The following LATS2 variants were observed in gnomAD, a reference collection of about 807,000 sequenced individuals.
The protein encoded by LATS2 is serine/threonine-protein kinase LATS2.
Under a neutral mutation model 76.0 loss-of-function variants are expected in LATS2, and 24 were observed. The observed-to-expected ratio is 0.32, with a 90% confidence interval of 0.23 to 0.44. The LOEUF (loss-of-function observed/expected upper bound fraction) is 0.44, where lower values mean the gene tolerates loss of function less well. LATS2 is among the 20% of genes least tolerant of loss of function. The pLI is 1.00. For synonymous variants in LATS2, 692 were observed against 635.4 expected (o/e 1.09, Z -1.34); for missense variants, 1,286 against 1,481.2 (o/e 0.87, Z 2.16).
intron 2 of LATS2, among the ~76,000 whole-genome samples, chr13:21,028,758 C>T (rs1400080257): frequency 4.6e-5 from 7 of 152,090 alleles, no homozygotes; most frequent in South Asian, 4.1e-4. Context: ...TTAGTAGAGA[C>T]GGGATTTCAC....
intron 2 of LATS2, among the ~76,000 whole-genome samples, chr13:20,993,186 C>A (rs1162025070): frequency 2.0e-5 from 3 of 152,182 alleles, no homozygotes; most frequent in South Asian, 2.1e-4. Flanking sequence ...ACTGAGTGTC[C>A]CCCACCTCTG....
In LATS2 at chr13:21,007,563, A is replaced by AG. The variant is rs1178120552; in HGVS notation, c.343-16160_343-16159insC. On this transcript the variant is annotated intron_variant, in intron 2 of 7. Transcript: ENST00000382592. ...ATATATAGTATATATATATATATAT[A>AG]TATATATATATATATATATATATAG... Among the ~76,000 whole-genome samples, 94 of 16,710 alleles carry AG rather than the reference A, an allele frequency of 5.6e-3. 24 individuals are homozygous for AG. In the African/African-American group the frequency reaches 0.06, roughly 11 times the overall value. 11.0% of individuals were successfully genotyped at this position (16,710 alleles called of 152,430 possible). A position where few individuals can be genotyped will look rare whatever the true frequency, so the allele number is the denominator to read the frequency against.
At chr13:21,006,752 C>T (rs1286965887) in intron 2 of LATS2, among the ~76,000 whole-genome samples, 1 of 152,224 alleles carries the variant, frequency 6.6e-6, no homozygotes. Flanking sequence ...CTGTCTCCGA[C>T]TGTGGGGCTT....
chr13:21,004,712 T>A (rs1340207167), intron 2 of LATS2, among the ~76,000 whole-genome samples: 1 of 152,128 alleles, frequency 6.6e-6, no homozygotes, highest in Non-Finnish European at 1.5e-5. Flanking sequence ...TTCAACAGTA[T>A]CCCGAATCCA....
intron 2 of LATS2, among the ~76,000 whole-genome samples, chr13:21,019,298 GTTATTATTATTATTA>G (rs72479904): frequency 0.032 from 4,604 of 144,548 alleles, 235 homozygotes; most frequent in African/African-American, 0.11. Flanking sequence ...ACTTGGATTT[GTTATTATTATTATTA>G]TTATTATTAT....
At chr13:20,993,189 C>T (rs1870588293) in intron 2 of LATS2, among the ~76,000 whole-genome samples, 1 of 152,200 alleles carries the variant, frequency 6.6e-6, no homozygotes, top group African/African-American at 2.4e-5. Context: ...GAGTGTCCCC[C>T]ACCTCTGGAT....
At chr13:20,981,134 C>A (rs546160521) in intron 6 of LATS2, among the ~76,000 whole-genome samples, 59 of 152,318 alleles carry the variant, frequency 3.9e-4, no homozygotes, top group African/African-American at 1.2e-3. Flanking sequence ...GTGGTCTGGG[C>A]AGACTGAGCA....
chr13:21,040,406 A>AT, intron 2 of LATS2, among the ~76,000 whole-genome samples: 1 of 151,788 alleles, frequency 6.6e-6, no homozygotes, highest in African/African-American at 2.4e-5. Flanking sequence ...GAAAAAGAAA[A>AT]AGAAAGAAAT....
rs1213375340 is a variant in LATS2, at chr13:20,987,893, T to C, written c.1887A>G (p.Gln629=). The C allele has an allele frequency of 1.2e-6, 2 of 1,612,294 alleles. No homozygotes were observed. The highest frequency in any genetic ancestry group is 1.7e-4 in the Middle Eastern group (1 of 6,056). ...AGTGTGAAATTACTTTGGCCATTTCTTGCTCCAGCTGCAGCCTCCGGTTAA... is the reference window on the plus strand; with the variant it reads ...AGTGTGAAATTACTTTGGCCATTTCCTGCTCCAGCTGCAGCCTCCGGTTAA... ...QKVNRRLQLE[Q]EMAKAGLCEA... Residue 629 remains glutamine (Q), a synonymous_variant, in exon 4 of 8, where the codon CAA becomes CAG. Transcript: ENST00000382592.
Position 21,021,683 on chromosome 13 carries a change from C to A in LATS2, c.342+24002G>T, listed in dbSNP as rs112961445. The stretch of plus-strand genomic sequence containing the variant: ...TTAATTTTTGAAGAATTGAGGACAC[C>A]TTCCCAACCACTGATGTGTGGCTTA... On this transcript the variant is annotated intron_variant, in intron 2 of 7. Transcript: ENST00000382592. Among the ~76,000 whole-genome samples the A allele has an allele frequency of 1.5e-3, 223 of 152,262 alleles. 1 individual carries two copies. The highest frequency in any genetic ancestry group is 4.8e-3 in the African/African-American group (201 of 41,550).
At position 21,050,147 on chromosome 13, in the gene LATS2, G is replaced by GATAC. The variant is rs6144947; in HGVS notation, c.-204-3921_-204-3918dup. 2.0e-3 allele frequency among the ~76,000 whole-genome samples: 108 copies of GATAC among 53,856 alleles called. 6 individuals carry two copies. The highest frequency in any genetic ancestry group is 4.0e-3 in the African/African-American group (84 of 21,128). The allele number at this position is 53,856 out of a possible 152,430, so 35.3% of individuals were successfully genotyped here. ...AGACAGATAGATAGATAGATAGATAGATACATACATACATACATACATACA... is the reference window on the plus strand; with the variant it reads ...AGACAGATAGATAGATAGATAGATAGATACATACATACATACATACATACATACA... On this transcript the variant is annotated intron_variant, in intron 1 of 7. Coordinates refer to ENST00000382592, the MANE Select transcript of LATS2 (RefSeq NM_014572.3).
intron 5 of LATS2, among the ~76,000 whole-genome samples, chr13:20,982,467 C>T (rs999975407): frequency 2.0e-4 from 30 of 152,314 alleles, no homozygotes; most frequent in African/African-American, 7.0e-4. Context: ...TGCATCACCA[C>T]GCCCGGCTAA....
intron 7 of LATS2, among the ~76,000 whole-genome samples, chr13:20,975,714 C>T (rs978024371): frequency 6.6e-5 from 10 of 152,098 alleles, no homozygotes; most frequent in East Asian, 1.9e-4. Flanking sequence ...GATGGAGTCT[C>T]GCTGTGTTGC....
In LATS2 at chr13:20,998,678, C is replaced by A. The variant is rs140549582; in HGVS notation, c.343-7274G>T. ...TCTAACCGCCCCACCATTGCGTGCCCCTCCCCTGAGCGCGGCGCTCCCGGC... is the reference window on the plus strand; with the variant it reads ...TCTAACCGCCCCACCATTGCGTGCCACTCCCCTGAGCGCGGCGCTCCCGGC... On this transcript the variant is annotated intron_variant, in intron 2 of 7. Transcript: ENST00000382592. Among the ~76,000 whole-genome samples the A allele has an allele frequency of 7.3e-3, 1,117 of 152,360 alleles. 9 individuals are homozygous for A. Among genetic ancestry groups the A allele is most frequent in the Non-Finnish European group, 0.01 (703 of 68,022 alleles).
intron 2 of LATS2, among the ~76,000 whole-genome samples, chr13:21,019,484 G>A (rs1408414169): frequency 9.2e-4 from 123 of 132,986 alleles, no homozygotes; most frequent in Non-Finnish European, 1.4e-3. Context: ...ACGCCACCAC[G>A]CCCAGCTAAT....
chr13:20,999,387 T>C (rs1367378672), intron 2 of LATS2, among the ~76,000 whole-genome samples: 4 of 152,242 alleles, frequency 2.6e-5, no homozygotes, highest in Non-Finnish European at 5.9e-5. Context: ...CATAATGTTT[T>C]GTTTTTGTTT....
chr13:21,002,926 T>G (rs1261530776), intron 2 of LATS2, among the ~76,000 whole-genome samples: 2 of 152,062 alleles, frequency 1.3e-5, no homozygotes, highest in Non-Finnish European at 2.9e-5. Flanking sequence ...GGTCTCAAAC[T>G]CCTGGCCTCA....
At chr13:20,987,675 T>G (rs944914821) in intron 4 of LATS2, among the ~76,000 whole-genome samples, 12 of 152,228 alleles carry the variant, frequency 7.9e-5, no homozygotes, top group Admixed American at 4.6e-4. Flanking sequence ...CTCTGATTCT[T>G]CAGAAGAGTC....
chr13:21,060,352 C>T (rs1873590283), intron 1 of LATS2, among the ~76,000 whole-genome samples: 2 of 152,226 alleles, frequency 1.3e-5, no homozygotes, highest in Admixed American at 6.5e-5. Flanking sequence ...GGTGAGCTTA[C>T]ATCAGAAGAG....
Sources: allele counts gnomAD v4.1 joint callset (sites outside exome capture counted in the v4.1 genomes callset), GRCh38; gene constraint gnomAD v4.1.1; transcripts MANE v1.5; gene names NCBI Gene and HGNC (gene_info 2026-07-23, HGNC 2026-07-21).